FRMD4B: variants seen among roughly 807,000 people sequenced by gnomAD.
The protein encoded by FRMD4B is FERM domain-containing protein 4B.
In FRMD4B, 74 loss-of-function variants were observed where a neutral mutation model predicts 141.5. The observed-to-expected ratio is 0.52, with a 90% CI of 0.43 to 0.63. FRMD4B has a LOEUF of 0.63. Among genes scored for constraint, FRMD4B ranks in the 30% least tolerant of loss-of-function variants. FRMD4B has a pLI of 0.00. For missense variants in FRMD4B, 1,366 were observed against 1,253.4 expected, an observed-to-expected ratio of 1.09 and a Z score of -1.36; for synonymous variants, 506 against 467.9, an observed-to-expected ratio of 1.08 and a Z score of -1.05.
chr3:69,307,462 G>A (rs1701433795), intron 3 of FRMD4B, among the ~76,000 whole-genome samples: 1 of 151,912 alleles, frequency 6.6e-6, no homozygotes, highest in African/African-American at 2.4e-5. Context: ...TGCCTCAGGT[G>A]CCTGAGTAGC....
intron 2 of FRMD4B, among the ~76,000 whole-genome samples, chr3:69,402,926 G>A (rs1400870022): frequency 2.0e-5 from 3 of 152,312 alleles, no homozygotes; most frequent in East Asian, 3.9e-4. Context: ...TTTGTTTAAA[G>A]GAAGCATAGC....
intron 1 of FRMD4B, among the ~76,000 whole-genome samples, chr3:69,343,297 G>A (rs1426328971): frequency 1.3e-5 from 2 of 152,098 alleles, no homozygotes; most frequent in Non-Finnish European, 2.9e-5. Context: ...CAGAGGGGAG[G>A]TCACTCAGTT....
chr3:69,185,664 G>A (rs936591449), intron 19 of FRMD4B, among the ~76,000 whole-genome samples: 2 of 152,162 alleles, frequency 1.3e-5, no homozygotes, highest in Non-Finnish European at 2.9e-5. Context: ...AATGACAGTA[G>A]TAACACTATC....
intron 1 of FRMD4B, among the ~76,000 whole-genome samples, chr3:69,340,324 C>T (rs972130063): frequency 9.2e-5 from 14 of 152,084 alleles, no homozygotes; most frequent in Admixed American, 1.3e-4. Context: ...CTCCTCCCAC[C>T]CTCTATCCTT....
chr3:69,286,709 G>C (rs1233437205), intron 5 of FRMD4B, among the ~76,000 whole-genome samples: 1 of 152,204 alleles, frequency 6.6e-6, no homozygotes, highest in Non-Finnish European at 1.5e-5. Flanking sequence ...CCCTTCCTCA[G>C]GAAGTTGCTT....
At chr3:69,245,341 G>GTT (rs1205581839) in intron 7 of FRMD4B, among the ~76,000 whole-genome samples, 35 of 146,856 alleles carry the variant, frequency 2.4e-4, no homozygotes, top group African/African-American at 9.3e-4. Context: ...GTGTGTGTGT[G>GTT]TGTGTGTGTG....
At chr3:69,216,060 A>C (rs1408996674) in intron 11 of FRMD4B, among the ~76,000 whole-genome samples, 1 of 152,088 alleles carries the variant, frequency 6.6e-6, no homozygotes, top group Admixed American at 6.6e-5. Context: ...AGGCTGAGGC[A>C]GGAGACTCGC....
intron 6 of FRMD4B, among the ~76,000 whole-genome samples, 161 bp from the exon 7 acceptor site, chr3:69,249,409 G>A (rs1057122658): frequency 6.6e-6 from 1 of 152,140 alleles, no homozygotes; most frequent in East Asian, 1.9e-4. Flanking sequence ...ATTAGGCATT[G>A]ATAAGAAAAC....
chr3:69,261,739 C>A (rs1033248806), intron 5 of FRMD4B, among the ~76,000 whole-genome samples: 4 of 150,536 alleles, frequency 2.7e-5, no homozygotes, highest in Non-Finnish European at 5.9e-5. Context: ...GTGGCACGAT[C>A]TCAGCTCACC....
At chr3:69,395,451 C>G (rs1704458281) in intron 2 of FRMD4B, among the ~76,000 whole-genome samples, 1 of 152,104 alleles carries the variant, frequency 6.6e-6, no homozygotes, top group South Asian at 2.1e-4. Flanking sequence ...ATTAAAATAT[C>G]TCAAGGCCGG....
intron 21 of FRMD4B, among the ~76,000 whole-genome samples, chr3:69,177,828 A>G (rs960030514): frequency 2.6e-5 from 4 of 152,188 alleles, no homozygotes; most frequent in African/African-American, 9.7e-5. Flanking sequence ...AAGTTGACTT[A>G]TTGAGACTTG....
At position 69,436,701 on chromosome 3, in the gene FRMD4B, C is replaced by T. The variant is rs185427766; in HGVS notation, c.-128-3940G>A. Reference sequence around the variant, plus strand: ...AGGTGGAAACAATCCAAATGTCCATCAGCAGATTAATGGATAAACAAAATA... The same window carrying T: ...AGGTGGAAACAATCCAAATGTCCATTAGCAGATTAATGGATAAACAAAATA... On this transcript the variant is annotated intron_variant, in intron 1 of 5. Transcript: ENST00000459638. 1.3e-3 allele frequency among the ~76,000 whole-genome samples: 193 copies of T among 152,262 alleles called. 5 individuals carry two copies. The highest frequency in any genetic ancestry group is 0.012 in the Admixed American group (191 of 15,286).
chr3:69,265,437 A>T lies in FRMD4B; in HGVS notation c.502-15338T>A, dbSNP rs867113503. On this transcript the variant is annotated intron_variant, in intron 5 of 22. Coordinates refer to ENST00000398540, the MANE Select transcript of FRMD4B (RefSeq NM_015123.3). ...AGATGGCTAGATGGCTAGGTGGCAC[A>T]TTTATTTGTCCTTTTTTTTTTTTTT... Among the ~76,000 whole-genome samples, 50 of 136,300 alleles carry T rather than the reference A, an allele frequency of 3.7e-4. 2 individuals carry two copies. The South Asian group carries it at 5.6e-3, about 15-fold the overall frequency. 89.4% of individuals were successfully genotyped at this position (136,300 alleles called of 152,430 possible).
intron 11 of FRMD4B, among the ~76,000 whole-genome samples, chr3:69,211,022 C>CAAAAAAAAAA (rs1559720205): frequency 3.0e-4 from 1 of 3,366 alleles, no homozygotes; most frequent in African/African-American, 5.9e-4. Flanking sequence ...AATGCCATCT[C>CAAAAAAAAAA]GAAAAAAAAA....
chr3:69,221,816 G>C, intron 9 of FRMD4B, 42 bp downstream of exon 9: 3 of 943,500 alleles, frequency 3.2e-6, no homozygotes, highest in South Asian at 2.8e-5. Context: ...CTTCAGATGA[G>C]AGATATTAAA....
chr3:69,497,381 C>T (rs770672696), intron 1 of FRMD4B, among the ~76,000 whole-genome samples: 8 of 152,026 alleles, frequency 5.3e-5, no homozygotes, highest in Non-Finnish European at 1.2e-4. Flanking sequence ...TCTAGAGCAC[C>T]TATCATGGTG....
exon 2 of FRMD4B, chr3:69,432,641 T>C (rs930581592): frequency 1.3e-5 from 2 of 152,242 alleles, no homozygotes; most frequent in African/African-American, 4.8e-5. Context: ...TACCTTTAAC[T>C]AGTAAGTATT....
intron 11 of FRMD4B, among the ~76,000 whole-genome samples, chr3:69,213,661 ATTT>A (rs11322872): frequency 1.5e-5 from 2 of 132,408 alleles, no homozygotes; most frequent in Admixed American, 7.9e-5. Flanking sequence ...GTTTTCATTG[ATTT>A]TTTTTTTTTT....
rs577495891 is a variant in FRMD4B, at chr3:69,513,479, A to G, written c.-129+28727T>C. Among the ~76,000 whole-genome samples the G allele has an allele frequency of 4.4e-4, 67 of 152,284 alleles. 2 individuals carry two copies. The highest frequency in any genetic ancestry group is 1.3e-3 in the African/African-American group (55 of 41,586). On this transcript the variant is annotated intron_variant, in intron 1 of 5. Transcript: ENST00000459638. ...TGGAGAATTCTGCCAAACATTTGAA[A>G]AAGAATAACACCAATCCTCCCCAAA...
Sources: allele counts gnomAD v4.1 joint callset (sites outside exome capture counted in the v4.1 genomes callset), GRCh38; gene constraint gnomAD v4.1.1; transcripts MANE v1.5; gene names NCBI Gene and HGNC (gene_info 2026-07-23, HGNC 2026-07-21).